Variants in KIAA1671 observed in about 807,000 individuals in gnomAD.
KIAA1671 encodes uncharacterized protein KIAA1671.
In KIAA1671, 52 loss-of-function variants were observed where a neutral mutation model predicts 131.2. The observed-to-expected ratio is 0.40, with a 90% CI of 0.32 to 0.50. KIAA1671 has a LOEUF of 0.50. KIAA1671 is among the 20% of genes least tolerant of loss of function. The pLI, the probability that KIAA1671 is intolerant of heterozygous loss-of-function variation, is 0.73. For missense variants in KIAA1671, 2,360 were observed against 2,364.2 expected, an observed-to-expected ratio of 1.00 and a Z score of 0.04; for synonymous variants, 1,003 against 961.6, an observed-to-expected ratio of 1.04 and a Z score of -0.80.
chr22:24,983,299 G>A (rs971905675), intron 1 of KIAA1671, among the ~76,000 whole-genome samples: 1 of 152,146 alleles, frequency 6.6e-6, no homozygotes, highest in Non-Finnish European at 1.5e-5. Context: ...TGCTTCAAAG[G>A]CTGTAAAAGA....
At chr22:25,012,164 G>A (rs1240163551) in intron 1 of KIAA1671, 1 of 152,060 alleles carries the variant, frequency 6.6e-6, no homozygotes, top group Non-Finnish European at 1.5e-5. Context: ...CCACTTTACT[G>A]GTGATTTTCC....
At chr22:24,986,238 T>C (rs1279371434) in intron 1 of KIAA1671, among the ~76,000 whole-genome samples, 1 of 152,138 alleles carries the variant, frequency 6.6e-6, no homozygotes, top group African/African-American at 2.4e-5. Context: ...GGGATGACGC[T>C]TGTGGCTTCA....
intron 6 of KIAA1671, among the ~76,000 whole-genome samples, chr22:25,096,878 GTCT>G (rs1047125966): frequency 5.3e-5 from 8 of 152,214 alleles, no homozygotes; most frequent in African/African-American, 1.9e-4. Flanking sequence ...GCACTCTGCA[GTCT>G]TCTTCATCAG....
At position 25,087,947 on chromosome 22, in the gene KIAA1671, G is replaced by A. The variant is rs530347473; in HGVS notation, c.4530+38583G>A. 2.2e-4 allele frequency among the ~76,000 whole-genome samples: 33 copies of A among 152,286 alleles called. 1 individual carries two copies. The highest frequency in any genetic ancestry group is 7.2e-4 in the Admixed American group (11 of 15,296). Reference sequence around the variant, plus strand: ...ACCAACAGCATCTACCACCTTTAGCGAGGCTTCAGGGTATTGACTCAATTA... The same window carrying A: ...ACCAACAGCATCTACCACCTTTAGCAAGGCTTCAGGGTATTGACTCAATTA... On this transcript the variant is annotated intron_variant, in intron 6 of 12. Transcript: ENST00000358431.
rs1926867776 is a variant in KIAA1671 at position 25,040,627 on chromosome 22, TGAG to T, written c.3501_3503del (p.Arg1167del). On this transcript the variant is annotated inframe_deletion, in exon 5 of 13. Coordinates refer to ENST00000358431, the MANE Select transcript of KIAA1671 (RefSeq NM_001145206.2). ...GGAGCTCCCCAAACCACCCCGACTC[TGAG>T]GAGTCGTCCAAAAGATCTTCCTGTG... 2 of 1,551,726 alleles carry T rather than the reference TGAG, an allele frequency of 1.3e-6. No homozygotes were observed. The highest frequency in any genetic ancestry group is 1.7e-6 in the Non-Finnish European group (2 of 1,147,038).
chr22:24,985,330 T>C (rs1602044915), intron 1 of KIAA1671, among the ~76,000 whole-genome samples: 1 of 150,988 alleles, frequency 6.6e-6, no homozygotes, highest in East Asian at 1.9e-4. Context: ...TTTCCTGCTG[T>C]GTTTTGTTTC....
intron 6 of KIAA1671, among the ~76,000 whole-genome samples, chr22:25,157,427 A>G (rs919343559): frequency 6.6e-6 from 1 of 152,200 alleles, no homozygotes; most frequent in Admixed American, 6.5e-5. Context: ...AGGTCGTTCC[A>G]TGTCAGTAAA....
chr22:24,973,389 G>GTTTT (rs57519039), intron 1 of KIAA1671, among the ~76,000 whole-genome samples: 1,405 of 71,574 alleles, frequency 0.02, 255 homozygotes, highest in African/African-American at 0.067. Flanking sequence ...GCATATGATG[G>GTTTT]TTTTTTTTTT....
chr22:25,111,612 GGGTC>G (rs1931349653), intron 6 of KIAA1671, among the ~76,000 whole-genome samples: 1 of 152,216 alleles, frequency 6.6e-6, no homozygotes, highest in African/African-American at 2.4e-5. Context: ...AAACCTGCAT[GGGTC>G]AGGTGAGCGG....
At chr22:25,013,792 A>G (rs761945303) in intron 1 of KIAA1671, 5 of 152,120 alleles carry the variant, frequency 3.3e-5, no homozygotes, top group East Asian at 1.9e-4. Context: ...GTCTCTGTCA[A>G]CTGTTCCAGT....
At chr22:25,130,654 C>G (rs28713453) in intron 6 of KIAA1671, among the ~76,000 whole-genome samples, 58 of 152,042 alleles carry the variant, frequency 3.8e-4, no homozygotes, top group Non-Finnish European at 7.2e-4. Context: ...TCGTAAACAT[C>G]TAGATGAGTT....
At chr22:25,171,292 T>A (rs1340079754) in intron 7 of KIAA1671, among the ~76,000 whole-genome samples, 4 of 151,520 alleles carry the variant, frequency 2.6e-5, no homozygotes, top group Non-Finnish European at 5.9e-5. Context: ...CCCAGCTACT[T>A]GGGAGGCTGA....
At chr22:25,190,632 C>T (rs1601398187) in intron 11 of KIAA1671, 70 bp from the exon 12 acceptor site, 2 of 1,319,286 alleles carry the variant, frequency 1.5e-6, no homozygotes, top group Non-Finnish European at 2.1e-6. Flanking sequence ...AGTCGGATAC[C>T]ACTCAGTCCT....
chr22:25,031,670 T>C (rs985077526), intron 3 of KIAA1671, among the ~76,000 whole-genome samples: 4 of 152,200 alleles, frequency 2.6e-5, no homozygotes, highest in African/African-American at 9.7e-5. Flanking sequence ...GTCGATCTTA[T>C]GTGTAGCCGG....
chr22:25,001,293 G>A (rs1161987341), intron 1 of KIAA1671, among the ~76,000 whole-genome samples: 2 of 151,958 alleles, frequency 1.3e-5, no homozygotes, highest in African/African-American at 2.4e-5. Context: ...GTGTGCATGT[G>A]TATATACATA....
At position 25,192,431 on chromosome 22, in the gene KIAA1671, AACAGAAGCCTTAACCATCAGAACCCGCAG is replaced by A. The variant is rs1486110094; in HGVS notation, c.*33_*61del. 6.6e-6 allele frequency: 1 copy of A among 152,200 alleles called. No homozygotes were observed. Among genetic ancestry groups the A allele is most frequent in the African/African-American group, 2.4e-5 (1 of 41,446 alleles). The allele number at this position is 152,200 out of a possible 1,614,324, so 9.4% of individuals were successfully genotyped here. On this transcript the variant is annotated 3_prime_UTR_variant, in exon 13 of 13. Coordinates refer to ENST00000358431, the MANE Select transcript of KIAA1671 (RefSeq NM_001145206.2). ...GCAGGGAACACTGCCACATCTACGT[AACAGAAGCCTTAACCATCAGAACCCGCAG>A]ACGAGGCCGAGCTGCTGCCGTTTCT...
At chr22:25,017,963 C>T (rs114096904) in intron 1 of KIAA1671, among the ~76,000 whole-genome samples, 7,718 of 152,020 alleles carry the variant, frequency 0.051, 217 homozygotes, top group African/African-American at 0.082. Flanking sequence ...GCTCTAATAA[C>T]CATGTTTATC....
At chr22:25,161,745 C>T (rs1483920159) in intron 6 of KIAA1671, among the ~76,000 whole-genome samples, 1 of 152,152 alleles carries the variant, frequency 6.6e-6, no homozygotes, top group Non-Finnish European at 1.5e-5. Flanking sequence ...AATCCTTGGT[C>T]TCCAGCCCCT....
intron 6 of KIAA1671, among the ~76,000 whole-genome samples, chr22:25,067,202 T>C (rs1568937638): frequency 6.6e-6 from 1 of 151,758 alleles, no homozygotes; most frequent in Non-Finnish European, 1.5e-5. Context: ...CCAGCGGTGC[T>C]CCCCTCCCCA....
Sources: gnomAD v4.1 joint callset for allele counts (sites outside exome capture counted in the v4.1 genomes callset) on GRCh38, gnomAD v4.1.1 for gene constraint, MANE v1.5 for transcripts, NCBI Gene and HGNC (gene_info 2026-07-23, HGNC 2026-07-21) for gene names.